The following PSD3 variants were observed in gnomAD, a reference collection of about 807,000 sequenced individuals.
The protein encoded by PSD3 is PH and SEC7 domain-containing protein 3.
Under a neutral mutation model 105.5 loss-of-function variants are expected in PSD3, and 49 were observed. The observed-to-expected ratio is 0.46, with a 90% CI of 0.37 to 0.59. The LOEUF is 0.59. Among genes scored for constraint, PSD3 ranks in the 20% least tolerant of loss-of-function variants. The pLI, the probability that PSD3 is intolerant of heterozygous loss-of-function variation, is 0.00. For missense variants in PSD3, 1,561 were observed against 1,263.8 expected, an observed-to-expected ratio of 1.24 and a Z score of -3.57; for synonymous variants, 557 against 457.8, an observed-to-expected ratio of 1.22 and a Z score of -2.77.
At chr8:18,821,717 A>C (rs5889829) in intron 4 of PSD3, among the ~76,000 whole-genome samples, 1,521 of 141,150 alleles carry the variant, frequency 0.011, 27 homozygotes, top group African/African-American at 0.035. Flanking sequence ...ACACACACAC[A>C]CCCCAATAAC....
chr8:18,955,930 G>A (rs575595697), intron 1 of PSD3, among the ~76,000 whole-genome samples: 1 of 152,088 alleles, frequency 6.6e-6, no homozygotes, highest in African/African-American at 2.4e-5. Flanking sequence ...CACTGCCTCG[G>A]CTAATTTTTG....
At chr8:18,876,009 G>A (rs528233067) in intron 2 of PSD3, among the ~76,000 whole-genome samples, 1 of 152,312 alleles carries the variant, frequency 6.6e-6, no homozygotes, top group South Asian at 2.1e-4. Context: ...GGCATTTGGG[G>A]TCTGACTTCT....
intron 1 of PSD3, among the ~76,000 whole-genome samples, chr8:18,949,866 A>AT (rs11410866): frequency 0.39 from 59,556 of 151,928 alleles, 11,863 homozygotes; most frequent in Non-Finnish European, 0.41. Flanking sequence ...GTCTTGATAA[A>AT]TTTTTTCATC....
chr8:18,789,264 TAG>T (rs1294826868), intron 8 of PSD3, among the ~76,000 whole-genome samples: 1 of 152,138 alleles, frequency 6.6e-6, no homozygotes, highest in Non-Finnish European at 1.5e-5. Flanking sequence ...AAATATACAG[TAG>T]AGTTTTCTAG....
Position 18,997,582 on chromosome 8 carries a change from T to C in PSD3, c.21+15981A>G, listed in dbSNP as rs557424204. On this transcript the variant is annotated intron_variant, in intron 1 of 15. Coordinates refer to ENST00000327040, the MANE Select transcript of PSD3 (RefSeq NM_015310.4). ...CTTTATTTGAAACTCTCTAACAGGC[T>C]TCTCTGCTCACTCTCAGTCCAAACC... is the stretch of plus-strand genomic sequence containing the variant. 3.1e-4 allele frequency among the ~76,000 whole-genome samples: 47 copies of C among 152,060 alleles called. 1 individual carries two copies. The highest frequency in any genetic ancestry group is 1.1e-3 in the African/African-American group (45 of 41,454).
chr8:18,566,072 G>C (rs1801724699), intron 14 of PSD3, among the ~76,000 whole-genome samples: 2 of 152,124 alleles, frequency 1.3e-5, no homozygotes, highest in South Asian at 4.1e-4. Context: ...TCCAGGATTT[G>C]CTGGAGGCAC....
intron 15 of PSD3, among the ~76,000 whole-genome samples, chr8:18,539,708 C>T (rs1314795324): frequency 6.6e-6 from 1 of 151,628 alleles, no homozygotes; most frequent in African/African-American, 2.4e-5. Context: ...CCACCAAGCC[C>T]GACTAATTTT....
chr8:19,033,704 T>G (rs118096317), intron 1 of PSD3, among the ~76,000 whole-genome samples: 2,976 of 152,142 alleles, frequency 0.02, 49 homozygotes, highest in Middle Eastern at 0.099. Context: ...CATACCCAAT[T>G]ATCTTAGTGA....
intron 9 of PSD3, among the ~76,000 whole-genome samples, chr8:18,664,673 C>T (rs1269153095): frequency 6.6e-6 from 1 of 152,190 alleles, no homozygotes; most frequent in Non-Finnish European, 1.5e-5. Flanking sequence ...ATATACAAAA[C>T]AGCCTTTTAT....
intron 9 of PSD3, among the ~76,000 whole-genome samples, chr8:18,745,879 TAGAG>T (rs1422418134): frequency 6.6e-6 from 1 of 152,212 alleles, no homozygotes; most frequent in Non-Finnish European, 1.5e-5. Context: ...CTTTCTCCCA[TAGAG>T]AGAAAACTGC....
Position 18,651,908 on chromosome 8 carries a change from T to G in PSD3, c.2216+3734A>C, listed in dbSNP as rs773635728. Among the ~76,000 whole-genome samples the G allele has an allele frequency of 5.9e-5, 9 of 152,108 alleles. No individual in the cohort carries two copies. The South Asian group carries it at 1.9e-3, about 32-fold the overall frequency. ...GGCCTAATTAAAGTTTTACAGCACA[T>G]AGGAACTTCACAGAGGTTAAAGTAC... On this transcript the variant is annotated intron_variant, in intron 10 of 15. Transcript: ENST00000327040.
chr8:18,767,380 G>C (rs953153850), intron 8 of PSD3, among the ~76,000 whole-genome samples: 3 of 152,204 alleles, frequency 2.0e-5, no homozygotes, highest in Non-Finnish European at 4.4e-5. Flanking sequence ...GAGGAACGCA[G>C]AGCACAGAGA....
At position 18,983,137 on chromosome 8, in the gene PSD3, G is replaced by A. The variant is rs150389546; in HGVS notation, c.21+30426C>T. On this transcript the variant is annotated intron_variant, in intron 1 of 15. Coordinates refer to ENST00000327040, the MANE Select transcript of PSD3 (RefSeq NM_015310.4). The stretch of plus-strand genomic sequence containing the variant: ...GCTTCACCTTTATGTTATAAAGATG[G>A]CCTCCTTCCTTAAACCTTATGAACC... Among the ~76,000 whole-genome samples the A allele has an allele frequency of 2.6e-3, 394 of 152,280 alleles. 3 individuals are homozygous for A. The highest frequency in any genetic ancestry group is 9.0e-3 in the African/African-American group (374 of 41,554).
chr8:18,659,964 G>A (rs1401089534), intron 9 of PSD3, among the ~76,000 whole-genome samples: 2 of 152,162 alleles, frequency 1.3e-5, no homozygotes, highest in African/African-American at 4.8e-5. Context: ...TTACCACATG[G>A]ACCTTAATGG....
chr8:18,921,856 T>C (rs1821044089), intron 2 of PSD3, among the ~76,000 whole-genome samples: 1 of 152,200 alleles, frequency 6.6e-6, no homozygotes, highest in African/African-American at 2.4e-5. Context: ...CAAGTACCTG[T>C]GCTCTGAAGG....
At chr8:18,600,328 C>G (rs757673871) in intron 12 of PSD3, 36 bp downstream of exon 12, 1 of 1,540,038 alleles carries the variant, frequency 6.5e-7, no homozygotes, top group Non-Finnish European at 9.0e-7. Flanking sequence ...ATTATTTCAT[C>G]GAGTTTTGTG....
At chr8:19,048,089 C>T (rs563267874) in intron 1 of PSD3, among the ~76,000 whole-genome samples, 1 of 152,172 alleles carries the variant, frequency 6.6e-6, no homozygotes. Flanking sequence ...AGAGCCAGGG[C>T]AGACAGTTTT....
At chr8:18,633,816 T>C (rs139913581) in intron 10 of PSD3, among the ~76,000 whole-genome samples, 1 of 152,130 alleles carries the variant, frequency 6.6e-6, no homozygotes, top group Non-Finnish European at 1.5e-5. Context: ...TTCTTTTTTA[T>C]GTACTCTAAC....
At chr8:18,752,433 T>C (rs1052223840) in intron 9 of PSD3, among the ~76,000 whole-genome samples, 5 of 131,814 alleles carry the variant, frequency 3.8e-5, no homozygotes, top group African/African-American at 1.5e-4. Flanking sequence ...AATACCACCA[T>C]CTAATCAGTA....
Sources: gnomAD v4.1 joint callset for allele counts (sites outside exome capture counted in the v4.1 genomes callset) on GRCh38, gnomAD v4.1.1 for gene constraint, MANE v1.5 for transcripts, NCBI Gene and HGNC (gene_info 2026-07-23, HGNC 2026-07-21) for gene names.